ANO4: variants seen among roughly 807,000 people sequenced by gnomAD.
The protein encoded by ANO4 is anoctamin 4.
Under a neutral mutation model 141.9 loss-of-function variants are expected in ANO4, and 69 were observed. That is an observed-to-expected ratio of 0.49 (90% CI 0.40 to 0.59). The LOEUF is 0.59. Ranked by LOEUF, ANO4 falls within the 20% of genes least tolerant of loss-of-function variation. ANO4 has a pLI of 0.00. For missense variants in ANO4, 894 were observed against 1,162.2 expected (o/e 0.77, Z 3.36); for synonymous variants, 350 against 394.3 (o/e 0.89, Z 1.33).
intron 3 of ANO4, among the ~76,000 whole-genome samples, chr12:100,786,344 A>G (rs546847280): frequency 6.6e-6 from 1 of 151,734 alleles, no homozygotes; most frequent in South Asian, 2.1e-4. Flanking sequence ...CCTGTGAGGT[A>G]GGAAAAGGTG....
intron 14 of ANO4, among the ~76,000 whole-genome samples, chr12:101,056,547 G>C (rs1357437441): frequency 4.0e-5 from 6 of 151,858 alleles, no homozygotes; most frequent in Non-Finnish European, 7.4e-5. Context: ...AAATAAATAA[G>C]TTTTCTTTCT....
At chr12:101,002,913 A>T (rs1566113552) in intron 8 of ANO4, among the ~76,000 whole-genome samples, 1 of 152,188 alleles carries the variant, frequency 6.6e-6, no homozygotes, top group Non-Finnish European at 1.5e-5. Flanking sequence ...TTCCTTAGTC[A>T]AAGGTCATCC....
At chr12:100,723,329 C>A (rs993076601) in intron 1 of ANO4, among the ~76,000 whole-genome samples, 44 of 152,164 alleles carry the variant, frequency 2.9e-4, no homozygotes, top group Non-Finnish European at 1.6e-4. Context: ...GGCTGGAAGT[C>A]CCTGTTGGAG....
At chr12:100,936,651 T>C (rs537832309) in intron 3 of ANO4, among the ~76,000 whole-genome samples, 1 of 152,262 alleles carries the variant, frequency 6.6e-6, no homozygotes, top group African/African-American at 2.4e-5. Context: ...CCCCTTTATC[T>C]CACACCCCGT....
intron 1 of ANO4, among the ~76,000 whole-genome samples, chr12:100,873,496 G>C (rs1023849909): frequency 6.6e-6 from 1 of 152,172 alleles, no homozygotes; most frequent in African/African-American, 2.4e-5. Flanking sequence ...GAGGTTGGAG[G>C]TATCATGCCC....
intron 1 of ANO4, among the ~76,000 whole-genome samples, chr12:100,879,026 G>A (rs1473636092): frequency 2.0e-5 from 3 of 152,130 alleles, no homozygotes; most frequent in Non-Finnish European, 4.4e-5. Context: ...GAGGGGAGAT[G>A]TTTGTCTTTT....
chr12:100,984,127 T>TA (rs1466125086), intron 7 of ANO4, among the ~76,000 whole-genome samples: 1 of 152,160 alleles, frequency 6.6e-6, no homozygotes, highest in Non-Finnish European at 1.5e-5. Context: ...CACGGAGTCT[T>TA]ACTCTATCTC....
intron 1 of ANO4, chr12:100,733,647 G>A (rs1009655848): frequency 1.8e-6 from 1 of 569,492 alleles, no homozygotes; most frequent in African/African-American, 1.9e-5. Context: ...ACCACTGAAT[G>A]AGTATGAGAC....
At chr12:101,029,223 A>G (rs1327237668) in intron 9 of ANO4, among the ~76,000 whole-genome samples, 1 of 152,192 alleles carries the variant, frequency 6.6e-6, no homozygotes, top group Non-Finnish European at 1.5e-5. Context: ...GCCACTGCAA[A>G]AATACACCAA....
intron 10 of ANO4, among the ~76,000 whole-genome samples, chr12:101,039,303 G>A (rs1251631416): frequency 6.6e-6 from 1 of 152,122 alleles, no homozygotes; most frequent in Non-Finnish European, 1.5e-5. Flanking sequence ...CTAGGAATTC[G>A]AGACTAGCCT....
chr12:101,097,718 C>G lies in ANO4; in HGVS notation c.1908+10C>G, dbSNP rs1406652051. ...GTGGAGACTAGAAGAGGTCTGTATT[C>G]TCCCATCATTCCTTGTTTCCGACAG... On this transcript the variant is annotated intron_variant, in intron 20 of 27. Coordinates refer to ENST00000392977, the MANE Select transcript of ANO4 (RefSeq NM_001286615.2). 6.2e-7 allele frequency: 1 copy of G among 1,613,548 alleles called. No individual in the cohort carries two copies. Among genetic ancestry groups the G allele is most frequent in the African/African-American group, 1.3e-5 (1 of 75,010 alleles).
intron 1 of ANO4, among the ~76,000 whole-genome samples, chr12:100,877,021 T>C (rs188501547): frequency 6.6e-6 from 1 of 152,286 alleles, no homozygotes; most frequent in East Asian, 1.9e-4. Flanking sequence ...AGCCAGGTAC[T>C]GAAAGACAAA....
chr12:100,878,640 G>A (rs1487394723), intron 1 of ANO4, among the ~76,000 whole-genome samples: 2 of 152,132 alleles, frequency 1.3e-5, no homozygotes, highest in African/African-American at 4.8e-5. Flanking sequence ...GAAGCTATTG[G>A]AATGAATACA....
chr12:100,775,846 G>GA (rs142548213), intron 3 of ANO4, among the ~76,000 whole-genome samples: 1,757 of 146,928 alleles, frequency 0.012, 32 homozygotes, highest in African/African-American at 0.039. Flanking sequence ...TGTTTTTTAA[G>GA]AAAAAAAAAA....
chr12:100,923,103 TCTTA>T (rs774035844), intron 3 of ANO4, among the ~76,000 whole-genome samples: 11 of 152,106 alleles, frequency 7.2e-5, no homozygotes, highest in East Asian at 3.9e-4. Context: ...TGCAATTTTT[TCTTA>T]CTTCTAGTTT....
chr12:100,922,079 TTC>T (rs200537469), intron 2 of ANO4, 145 bp from the exon 3 acceptor site: 7,745 of 486,088 alleles, frequency 0.016, 459 homozygotes, highest in African/African-American at 0.14. Context: ...TTTTTTTTTT[TTC>T]TTAAGTCCTT....
Position 101,126,979 on chromosome 12 carries a change from A to G in ANO4, c.2777A>G (p.Glu926Gly). The G allele has an allele frequency of 6.2e-7, 1 of 1,614,152 alleles. No individual in the cohort carries two copies. The highest frequency in any genetic ancestry group is 8.5e-7 in the Non-Finnish European group (1 of 1,180,022). The change falls in exon 27 of 28, where the codon GAG becomes GGG. Residue 926 changes from glutamate (E) to glycine (G), a missense_variant. Around this residue, in one of 2 missense-constraint regions of ANO4, gnomAD observed 637 missense variants for 909.2 expected, o/e 0.70. Coordinates refer to ENST00000392977, the MANE Select transcript of ANO4 (RefSeq NM_001286615.2). ...AGAAGAGAGAAGTACTTGATTCAGG[A>G]GATGATGTATGAAGCAGAACTGGAA... Reference protein sequence around the residue: ...RMRREKYLIQEMMYEAELERL... With the variant: ...RMRREKYLIQGMMYEAELERL...
intron 14 of ANO4, among the ~76,000 whole-genome samples, chr12:101,073,440 GA>G (rs2048900683): frequency 6.6e-6 from 1 of 152,082 alleles, no homozygotes; most frequent in South Asian, 2.1e-4. Flanking sequence ...GGGGCAGGGA[GA>G]GGGATAGCGT....
At chr12:100,747,071 C>T (rs1043079373) in intron 3 of ANO4, among the ~76,000 whole-genome samples, 3 of 152,100 alleles carry the variant, frequency 2.0e-5, no homozygotes, top group South Asian at 2.1e-4. Context: ...ACCCAACAGA[C>T]GTCAGTTGTG....
Sources: gnomAD v4.1 joint callset for allele counts (sites outside exome capture counted in the v4.1 genomes callset) on GRCh38, gnomAD v4.1.1 for gene constraint, gnomAD v4.1.1 regional missense constraint, MANE v1.5 for transcripts, NCBI Gene and HGNC (gene_info 2026-07-23, HGNC 2026-07-21) for gene names.